Variants in ADARB2 observed in about 807,000 individuals in gnomAD.
ADARB2 encodes adenosine deaminase RNA specific B2 (inactive), also known as inactive double-stranded RNA-specific editase B2.
A neutral mutation model predicts 62.2 loss-of-function variants in ADARB2; 25 were observed. That is an observed-to-expected ratio of 0.40 (90% confidence interval 0.29 to 0.56). ADARB2 has a LOEUF of 0.56. Ranked by LOEUF, ADARB2 falls within the 20% of genes least tolerant of loss-of-function variation. The pLI, the probability that ADARB2 is intolerant of heterozygous loss-of-function variation, is 0.43. For synonymous variants in ADARB2, 572 were observed against 500.8 expected, an observed-to-expected ratio of 1.14 and a Z score of -1.90; for missense variants, 1,071 against 1,077.4, an observed-to-expected ratio of 0.99 and a Z score of 0.08.
At chr10:1,722,680 C>T (rs987998333) in intron 1 of ADARB2, among the ~76,000 whole-genome samples, 6 of 152,114 alleles carry the variant, frequency 3.9e-5, no homozygotes, top group African/African-American at 9.7e-5. Context: ...TGAAAAATTC[C>T]CTCACCCCTC....
At chr10:1,582,218 T>A (rs957274442) in intron 1 of ADARB2, among the ~76,000 whole-genome samples, 2 of 151,828 alleles carry the variant, frequency 1.3e-5, no homozygotes, top group African/African-American at 4.8e-5. Context: ...GAGTTGGAGT[T>A]GTCTCTGGCC....
intron 1 of ADARB2, among the ~76,000 whole-genome samples, chr10:1,591,778 T>C (rs1206756325): frequency 1.3e-5 from 2 of 152,210 alleles, no homozygotes; most frequent in Non-Finnish European, 2.9e-5. Context: ...ATGCCTCCCA[T>C]GGAAAACTCC....
At chr10:1,312,952 G>T (rs922857117) in intron 3 of ADARB2, among the ~76,000 whole-genome samples, 6 of 152,212 alleles carry the variant, frequency 3.9e-5, no homozygotes, top group African/African-American at 1.4e-4. Flanking sequence ...ACACAAGAGG[G>T]CGGCAGGAGA....
At chr10:1,678,285 G>GGGGTGAGCA (rs1834492916) in intron 1 of ADARB2, 1 of 984,726 alleles carries the variant, frequency 1.0e-6, no homozygotes, top group African/African-American at 1.8e-5. Flanking sequence ...CGGGGTGAGC[G>GGGGTGAGCA]TCCTCGGGGT....
intron 1 of ADARB2, among the ~76,000 whole-genome samples, chr10:1,691,745 A>G (rs1278758944): frequency 6.6e-6 from 1 of 151,698 alleles, no homozygotes; most frequent in Non-Finnish European, 1.5e-5. Context: ...GTCCCGCACC[A>G]CCTCCCACCA....
intron 1 of ADARB2, among the ~76,000 whole-genome samples, chr10:1,513,835 C>T (rs1564313819): frequency 6.6e-6 from 1 of 152,136 alleles, no homozygotes; most frequent in Admixed American, 6.5e-5. Context: ...TCTGGCGCCT[C>T]TTACTGTTCA....
At position 1,595,259 on chromosome 10, in the gene ADARB2, T is replaced by A. The variant is rs574313824; in HGVS notation, c.100+141792A>T. Reference sequence around the variant, plus strand: ...CCTCAGAGAACAGATGATGATTAAATTCAAGAAATGCGCTGAAGAACAGCT... The same window carrying A: ...CCTCAGAGAACAGATGATGATTAAAATCAAGAAATGCGCTGAAGAACAGCT... On this transcript the variant is annotated intron_variant, in intron 1 of 9. Transcript: ENST00000381312. Among the ~76,000 whole-genome samples, 3 of 152,296 alleles carry A rather than the reference T, an allele frequency of 2.0e-5. No homozygotes were observed. In the South Asian group the frequency reaches 6.2e-4, roughly 32 times the overall value.
At chr10:1,580,291 T>A (rs1370474207) in intron 1 of ADARB2, among the ~76,000 whole-genome samples, 2 of 152,078 alleles carry the variant, frequency 1.3e-5, no homozygotes, top group Non-Finnish European at 2.9e-5. Context: ...TCAAGCAGGG[T>A]GTGTATTGGT....
intron 1 of ADARB2, among the ~76,000 whole-genome samples, chr10:1,533,119 CTTT>C (rs56227070): frequency 0.54 from 77,744 of 143,750 alleles, 21,973 homozygotes; most frequent in East Asian, 0.76. Flanking sequence ...TAAACATCAC[CTTT>C]TTTTTTTTTT....
chr10:1,360,629 C>A (rs1033333722), intron 3 of ADARB2, among the ~76,000 whole-genome samples: 1 of 152,202 alleles, frequency 6.6e-6, no homozygotes, highest in African/African-American at 2.4e-5. Context: ...GTCCTCCCAG[C>A]CCCCGCCCAG....
At chr10:1,471,613 G>A (rs778982037) in intron 1 of ADARB2, among the ~76,000 whole-genome samples, 1 of 151,938 alleles carries the variant, frequency 6.6e-6, no homozygotes, top group African/African-American at 2.4e-5. Context: ...GGCTGGTCTT[G>A]AACTCCTGAC....
At chr10:1,227,796 A>G (rs906110660) in intron 6 of ADARB2, among the ~76,000 whole-genome samples, 14 of 152,206 alleles carry the variant, frequency 9.2e-5, no homozygotes, top group Admixed American at 9.2e-4. Flanking sequence ...CACCAAATAA[A>G]TTTTAGATTT....
At chr10:1,317,863 C>G (rs988210632) in intron 3 of ADARB2, among the ~76,000 whole-genome samples, 2 of 152,116 alleles carry the variant, frequency 1.3e-5, no homozygotes, top group Non-Finnish European at 2.9e-5. Context: ...CTCTCTGCAC[C>G]CCAGCCTTCC....
intron 1 of ADARB2, among the ~76,000 whole-genome samples, chr10:1,441,334 T>G (rs191665400): frequency 1.1e-4 from 17 of 152,376 alleles, no homozygotes; most frequent in African/African-American, 3.8e-4. Flanking sequence ...TTGCTTCAGA[T>G]GCACTGTTTT....
intron 1 of ADARB2, among the ~76,000 whole-genome samples, chr10:1,492,406 G>C (rs1831633754): frequency 6.6e-6 from 1 of 152,172 alleles, no homozygotes; most frequent in Non-Finnish European, 1.5e-5. Context: ...CCTTATCAAA[G>C]AGAGTCGTGA....
intron 1 of ADARB2, among the ~76,000 whole-genome samples, chr10:1,634,087 C>A (rs1833884169): frequency 6.6e-6 from 1 of 152,154 alleles, no homozygotes; most frequent in Non-Finnish European, 1.5e-5. Flanking sequence ...CCCACCCTCG[C>A]CTGCTCCCAC....
In ADARB2 at chr10:1,178,848, A is replaced by C. The variant is rs550667225; in HGVS notation, c.*4345T>G. 6.6e-6 allele frequency: 1 copy of C among 152,118 alleles called. No homozygotes were observed. The highest frequency in any genetic ancestry group is 2.4e-5 in the African/African-American group (1 of 41,428). 9.4% of individuals were successfully genotyped at this position (152,118 alleles called of 1,614,324 possible). The stretch of plus-strand genomic sequence containing the variant: ...GGCCGCGGGAAGCCCACAGAGCCTC[A>C]CCGGGTTCTGTTGGGTGTTATGAGA... On this transcript the variant is annotated 3_prime_UTR_variant, in exon 10 of 10. Coordinates refer to ENST00000381312, the MANE Select transcript of ADARB2 (RefSeq NM_018702.4).
At chr10:1,628,933 G>A (rs78758408) in intron 1 of ADARB2, among the ~76,000 whole-genome samples, 5 of 152,324 alleles carry the variant, frequency 3.3e-5, no homozygotes, top group African/African-American at 4.8e-5. Context: ...ACTCAAGATC[G>A]GTCTGTGCTT....
chr10:1,671,402 A>G (rs1834383387), intron 1 of ADARB2, among the ~76,000 whole-genome samples: 2 of 152,232 alleles, frequency 1.3e-5, no homozygotes, highest in Admixed American at 6.5e-5. Flanking sequence ...ACTCCAGCCC[A>G]GATGTTGCAG....
Sources: gnomAD v4.1 joint callset for allele counts (sites outside exome capture counted in the v4.1 genomes callset) on GRCh38, gnomAD v4.1.1 for gene constraint, MANE v1.5 for transcripts, NCBI Gene and HGNC (gene_info 2026-07-23, HGNC 2026-07-21) for gene names.